Variants in CLDN16 observed in about 807,000 individuals in gnomAD.
CLDN16 encodes the protein claudin 16, also known as claudin-16.
Under a neutral mutation model 24.6 loss-of-function variants are expected in CLDN16, and 13 were observed. The ratio of observed to expected loss-of-function variants is 0.53; its 90% confidence interval spans 0.34 to 0.84. The LOEUF (loss-of-function observed/expected upper bound fraction) is 0.84, where lower values mean the gene tolerates loss of function less well. Ranked by LOEUF, CLDN16 falls within the 40% of genes least tolerant of loss-of-function variation. The pLI is 0.01. For synonymous variants in CLDN16, 116 were observed against 106.7 expected, an observed-to-expected ratio of 1.09 and a Z score of -0.54; for missense variants, 298 against 292.7, an observed-to-expected ratio of 1.02 and a Z score of -0.13.
chr3:190,383,773 T>C (rs1718423151), upstream of CLDN16, among the ~76,000 whole-genome samples: 1 of 152,012 alleles, frequency 6.6e-6, no homozygotes, highest in Non-Finnish European at 1.5e-5. Context: ...TTGTTTTATA[T>C]ATAGATATAG....
chr3:190,360,999 T>C (rs1717877272), intron 1 of CLDN16, among the ~76,000 whole-genome samples: 1 of 152,048 alleles, frequency 6.6e-6, no homozygotes, highest in Non-Finnish European at 1.5e-5. Flanking sequence ...AAAATTATTT[T>C]TTAAGAATTT....
At position 190,400,222 on chromosome 3, in the gene CLDN16, TTTTTAC is replaced by T. The variant is rs369716690; in HGVS notation, c.115-2114_115-2109del. On this transcript the variant is annotated intron_variant, in intron 1 of 4. Transcript: ENST00000264734. ...CAGCCTTCAGTATCCTCTGTCTTAT[TTTTTAC>T]CTCGAGGTTTTTTTTTCTGTTTGTT... 4.8e-3 allele frequency among the ~76,000 whole-genome samples: 734 copies of T among 152,174 alleles called. 6 individuals carry two copies. The highest frequency in any genetic ancestry group is 0.017 in the African/African-American group (699 of 41,504).
chr3:190,291,211 T>A, the CLDN16 span, among the ~76,000 whole-genome samples: 2 of 152,294 alleles, frequency 1.3e-5, no homozygotes, highest in African/African-American at 4.8e-5. Flanking sequence ...TTGAAGAATG[T>A]GTCAAGGAGA....
chr3:190,369,927 A>G (rs1024937793), intron 1 of CLDN16, among the ~76,000 whole-genome samples: 1 of 152,006 alleles, frequency 6.6e-6, no homozygotes, highest in Non-Finnish European at 1.5e-5. Flanking sequence ...GAAACCTGTG[A>G]TGTTTTCACA....
upstream of CLDN16, chr3:190,322,105 G>A (rs1055883681): frequency 6.2e-7 from 1 of 1,614,228 alleles, no homozygotes; most frequent in Non-Finnish European, 8.5e-7. Flanking sequence ...CGCCGGCATA[G>A]GAGTAAATCC....
chr3:190,395,715 T>C (rs561150201), intron 1 of CLDN16, among the ~76,000 whole-genome samples: 8 of 152,090 alleles, frequency 5.3e-5, no homozygotes, highest in Non-Finnish European at 1.0e-4. Flanking sequence ...AATTTGTATA[T>C]GCAAGGTGGT....
chr3:190,388,452 A>T lies in CLDN16; in HGVS notation c.114+9A>T. ...CTGATGACTCTCTGGAGGTAAGAAG[A>T]TAGCAGCTTCTTTTCATGATCCAGG... On this transcript the variant is annotated intron_variant, in intron 1 of 4. Transcript: ENST00000264734. 6.2e-7 allele frequency: 1 copy of T among 1,612,810 alleles called. No individual in the cohort carries two copies. Among genetic ancestry groups the T allele is most frequent in the South Asian group, 1.1e-5 (1 of 91,062 alleles).
At chr3:190,337,268 T>C (rs1577400117) in intron 1 of CLDN16, among the ~76,000 whole-genome samples, 1 of 152,220 alleles carries the variant, frequency 6.6e-6, no homozygotes, top group East Asian at 1.9e-4. Context: ...CATTGGTGGA[T>C]AGCTTGGCCT....
chr3:190,368,555 AGT>A (rs1288695303), intron 1 of CLDN16, among the ~76,000 whole-genome samples: 1 of 152,006 alleles, frequency 6.6e-6, no homozygotes, highest in Non-Finnish European at 1.5e-5. Context: ...TAAACCAATC[AGT>A]GTGTTTCATT....
chr3:190,303,500 G>C, the CLDN16 span, among the ~76,000 whole-genome samples: 1 of 152,060 alleles, frequency 6.6e-6, no homozygotes, highest in Non-Finnish European at 1.5e-5. Flanking sequence ...GTTTGGGTGT[G>C]TGTTCACTTT....
chr3:190,355,864 C>T (rs1183001658), intron 1 of CLDN16, among the ~76,000 whole-genome samples: 1 of 151,556 alleles, frequency 6.6e-6, no homozygotes, highest in African/African-American at 2.4e-5. Context: ...ACTTTGATTT[C>T]TCATTTCTGT....
At chr3:190,295,974 T>C in the CLDN16 span, among the ~76,000 whole-genome samples, 1 of 152,072 alleles carries the variant, frequency 6.6e-6, no homozygotes, top group African/African-American at 2.4e-5. Flanking sequence ...GGCTCTAGGG[T>C]TTTTTATTTC....
chr3:190,322,221 C>A, upstream of CLDN16: 6 of 1,612,046 alleles, frequency 3.7e-6, no homozygotes, highest in Non-Finnish European at 5.1e-6. Context: ...CGCTCGGGCG[C>A]CCGCGCTGGC....
chr3:190,295,217 C>T, the CLDN16 span, among the ~76,000 whole-genome samples: 16 of 151,800 alleles, frequency 1.1e-4, no homozygotes, highest in Non-Finnish European at 1.8e-4. Flanking sequence ...GTCAGGTACA[C>T]AATGATACAC....
chr3:190,333,868 A>T (rs1414071249), intron 1 of CLDN16, among the ~76,000 whole-genome samples: 1 of 152,120 alleles, frequency 6.6e-6, no homozygotes, highest in Admixed American at 6.6e-5. Context: ...ACATACTTCA[A>T]TGGGGTGAGG....
chr3:190,328,424 A>G (rs1717115587), intron 1 of CLDN16, among the ~76,000 whole-genome samples: 1 of 152,200 alleles, frequency 6.6e-6, no homozygotes, highest in Non-Finnish European at 1.5e-5. Flanking sequence ...CCATCTGTAA[A>G]AGAAAAGAAA....
At position 190,380,713 on chromosome 3, in the gene CLDN16, G is replaced by A. The variant is rs576660501; in HGVS notation, n.306+6110G>A. Among the ~76,000 whole-genome samples, 4 of 152,144 alleles carry A rather than the reference G, an allele frequency of 2.6e-5. No homozygotes were observed. In the South Asian group the frequency reaches 6.2e-4, roughly 24 times the overall value. Reference sequence around the variant, plus strand: ...AATTGCTTGAACCCAGGAGGCAGAGGTTGCAGTGGTCTGAGATCGCGCCAT... The same window carrying A: ...AATTGCTTGAACCCAGGAGGCAGAGATTGCAGTGGTCTGAGATCGCGCCAT... On this transcript the variant is annotated intron_variant and non_coding_transcript_variant, in intron 3 of 4. Transcript: ENST00000468220.
chr3:190,367,611 C>T (rs1361038424), intron 1 of CLDN16, among the ~76,000 whole-genome samples: 1 of 151,906 alleles, frequency 6.6e-6, no homozygotes, highest in African/African-American at 2.4e-5. Flanking sequence ...ATACGGTCTG[C>T]AAAATTCATT....
chr3:190,296,350 T>A, the CLDN16 span, among the ~76,000 whole-genome samples: 12 of 152,204 alleles, frequency 7.9e-5, no homozygotes, highest in African/African-American at 2.6e-4. Flanking sequence ...GGCTACTTTA[T>A]AAAGGGTGGT....
Sources: gnomAD v4.1 joint callset for allele counts (sites outside exome capture counted in the v4.1 genomes callset) on GRCh38, gnomAD v4.1.1 for gene constraint, MANE v1.5 for transcripts, NCBI Gene and HGNC (gene_info 2026-07-23, HGNC 2026-07-21) for gene names.